SLC25A36: variants seen among roughly 807,000 people sequenced by gnomAD.
SLC25A36 encodes the protein epididymis secretory sperm binding protein.
A neutral mutation model predicts 35.3 loss-of-function variants in SLC25A36; 24 were observed. That is an observed-to-expected ratio of 0.68 (90% CI 0.49 to 0.96). The LOEUF is 0.96. Among genes scored for constraint, SLC25A36 ranks in the 40% least tolerant of loss-of-function variants. The pLI is 0.00. For missense variants in SLC25A36, 294 were observed against 381.1 expected, an observed-to-expected ratio of 0.77 and a Z score of 1.90; for synonymous variants, 141 against 132.2, an observed-to-expected ratio of 1.07 and a Z score of -0.46.
At chr3:140,954,919 A>G (rs1169500523) in intron 1 of SLC25A36, among the ~76,000 whole-genome samples, 1 of 152,158 alleles carries the variant, frequency 6.6e-6, no homozygotes, top group African/African-American at 2.4e-5. Context: ...TGCCTAACGC[A>G]AAGTTAAAAG....
In SLC25A36 at chr3:140,950,089, T is replaced by C. The variant is rs186076441; in HGVS notation, c.42-6438T>C. Among the ~76,000 whole-genome samples the C allele has an allele frequency of 2.8e-3, 428 of 152,268 alleles. 1 individual carries two copies. Among genetic ancestry groups the C allele is most frequent in the Non-Finnish European group, 4.5e-3 (309 of 68,006 alleles). ...TACCACTCTCTTGTTTCCTTTTTCT[T>C]TACATCCTCTCAATATATAATTTGA... is the stretch of plus-strand genomic sequence containing the variant. On this transcript the variant is annotated intron_variant, in intron 1 of 6. Coordinates refer to ENST00000324194, the MANE Select transcript of SLC25A36 (RefSeq NM_001104647.3).
rs1050741785 is a variant in SLC25A36 at position 140,950,960 on chromosome 3, G to A, written c.42-5567G>A. 6.6e-5 allele frequency among the ~76,000 whole-genome samples: 10 copies of A among 150,718 alleles called. No individual in the cohort carries two copies. In the East Asian group the frequency reaches 1.9e-3, roughly 29 times the overall value. The stretch of plus-strand genomic sequence containing the variant: ...TGTGTGTAAGGCATAGAGCAACACT[G>A]GGCATCCTACCTTTGTCATACAGAC... On this transcript the variant is annotated intron_variant, in intron 1 of 6. Transcript: ENST00000324194.
At chr3:140,966,664 AT>A (rs1934768674) in intron 4 of SLC25A36, 1 of 332,348 alleles carries the variant, frequency 3.0e-6, no homozygotes, top group South Asian at 2.5e-5. Flanking sequence ...CAAGGTTAGC[AT>A]TTTTTCTTTA....
At chr3:140,957,663 C>T in intron 2 of SLC25A36, among the ~76,000 whole-genome samples, 1 of 152,094 alleles carries the variant, frequency 6.6e-6, no homozygotes, top group South Asian at 2.1e-4. Context: ...ATCACTTGAA[C>T]CTGGGAGGCA....
intron 4 of SLC25A36, 47 bp downstream of exon 4, chr3:140,963,274 G>T (rs752817839): frequency 1.8e-6 from 2 of 1,124,506 alleles, no homozygotes; most frequent in East Asian, 5.3e-5. Flanking sequence ...CTGAAACCTA[G>T]AGGCTTAATA....
intron 1 of SLC25A36, among the ~76,000 whole-genome samples, chr3:140,950,908 GTCTGTGTGTC>G (rs1559810604): frequency 0.025 from 3,301 of 133,562 alleles, 64 homozygotes; most frequent in East Asian, 0.052. Flanking sequence ...CTCTGTGTGT[GTCTGTGTGTC>G]TGTGTGTGTG....
intron 1 of SLC25A36, among the ~76,000 whole-genome samples, chr3:140,950,440 A>G (rs1163589166): frequency 6.6e-6 from 1 of 151,648 alleles, no homozygotes; most frequent in Non-Finnish European, 1.5e-5. Context: ...GTTTTTTTTC[A>G]GGTCTGCCAT....
chr3:140,956,863 TAGAC>T (rs1394316684), intron 2 of SLC25A36, 172 bp downstream of exon 2: 8 of 1,093,366 alleles, frequency 7.3e-6, no homozygotes, highest in South Asian at 4.1e-5. Flanking sequence ...GAAGAACAGT[TAGAC>T]AGATAAGATA....
At chr3:140,943,105 T>G (rs1459957218) in intron 1 of SLC25A36, among the ~76,000 whole-genome samples, 1 of 152,208 alleles carries the variant, frequency 6.6e-6, no homozygotes, top group African/African-American at 2.4e-5. Context: ...TCTAAATCAT[T>G]TGGAGAATCA....
intron 3 of SLC25A36, among the ~76,000 whole-genome samples, chr3:140,960,785 A>T (rs1559813880): frequency 6.6e-6 from 1 of 151,788 alleles, no homozygotes; most frequent in African/African-American, 2.4e-5. Context: ...AGTAGTTTTT[A>T]AAAAAGTCAA....
chr3:140,944,195 G>C (rs1344742805), intron 1 of SLC25A36, among the ~76,000 whole-genome samples: 1 of 152,174 alleles, frequency 6.6e-6, no homozygotes, highest in Non-Finnish European at 1.5e-5. Context: ...TCTTAGGCAA[G>C]GGTTTTCCGA....
At chr3:140,959,373 CT>C (rs1247199635) in intron 2 of SLC25A36, 89 bp from the exon 3 acceptor site, 1 of 759,264 alleles carries the variant, frequency 1.3e-6, no homozygotes, top group African/African-American at 1.9e-5. Context: ...TACAAATGTA[CT>C]GGATTTAGAC....
chr3:140,968,266 C>T, intron 4 of SLC25A36: 2 of 886,086 alleles, frequency 2.3e-6, no homozygotes, highest in Non-Finnish European at 1.4e-6. Flanking sequence ...GAGTTTTTAG[C>T]GGTAAAGGGC....
At chr3:140,974,087 T>C (rs1934975950) in intron 6 of SLC25A36, 82 bp downstream of exon 6, 2 of 920,046 alleles carry the variant, frequency 2.2e-6, no homozygotes, top group African/African-American at 1.7e-5. Flanking sequence ...ATAATTTTAC[T>C]GCATTCTGGT....
chr3:140,958,888 T>C (rs1934549236), intron 2 of SLC25A36, among the ~76,000 whole-genome samples: 1 of 151,990 alleles, frequency 6.6e-6, no homozygotes, highest in South Asian at 2.1e-4. Context: ...TCTGAACAGA[T>C]TTTTTAATCA....
intron 1 of SLC25A36, among the ~76,000 whole-genome samples, chr3:140,946,939 G>A (rs759722805): frequency 5.3e-5 from 8 of 152,116 alleles, no homozygotes; most frequent in Admixed American, 3.3e-4. Flanking sequence ...ATCACTAAGG[G>A]AGTGAATATA....
Position 140,959,542 on chromosome 3 carries a change from TAA to T in SLC25A36, c.284+16_284+17del, listed in dbSNP as rs76812029. The T allele has an allele frequency of 0.01, 11,730 of 1,170,724 alleles. No homozygotes were observed. Among genetic ancestry groups the T allele is most frequent in the South Asian group, 0.02 (1,014 of 51,420 alleles). 72.5% of individuals were successfully genotyped at this position (1,170,724 alleles called of 1,614,324 possible). ...TTTAGTGGGGGTAGCCCCTTCCAGG[TAA>T]AAAAAAAAAAAAATTGTTTAAAGCA... On this transcript the variant is annotated splice_donor_region_variant and intron_variant, in intron 3 of 6. Transcript: ENST00000324194.
chr3:140,954,795 C>G (rs1035504074), intron 1 of SLC25A36, among the ~76,000 whole-genome samples: 11 of 152,140 alleles, frequency 7.2e-5, no homozygotes, highest in Admixed American at 5.9e-4. Flanking sequence ...CAGTTTCTTT[C>G]ATTGTGTTAG....
intron 5 of SLC25A36, among the ~76,000 whole-genome samples, chr3:140,972,211 ATG>A (rs1934922632): frequency 6.6e-6 from 1 of 152,196 alleles, no homozygotes; most frequent in Non-Finnish European, 1.5e-5. Context: ...GCGTTGCTCT[ATG>A]AGGAATCCAG....
Sources: allele counts gnomAD v4.1 joint callset (sites outside exome capture counted in the v4.1 genomes callset), GRCh38; gene constraint gnomAD v4.1.1; transcripts MANE v1.5; gene names NCBI Gene and HGNC (gene_info 2026-07-23, HGNC 2026-07-21).